SPAG17: variants seen among roughly 807,000 people sequenced by gnomAD.
SPAG17 encodes the protein sperm-associated antigen 17.
SPAG17 carries 169 observed loss-of-function variants against 273.6 expected under a neutral mutation model. The observed-to-expected ratio is 0.62, with a 90% confidence interval of 0.55 to 0.70. SPAG17 has a LOEUF of 0.70. Ranked by LOEUF, SPAG17 falls within the 30% of genes least tolerant of loss-of-function variation. The pLI is 0.00. For synonymous variants in SPAG17, 825 were observed against 873.2 expected, an observed-to-expected ratio of 0.94 and a Z score of 0.97; for missense variants, 2,557 against 2,627.8, an observed-to-expected ratio of 0.97 and a Z score of 0.59.
At chr1:118,101,570 C>A (rs1656063961) in intron 5 of SPAG17, among the ~76,000 whole-genome samples, 170 bp downstream of exon 5, 1 of 152,164 alleles carries the variant, frequency 6.6e-6, no homozygotes, top group Non-Finnish European at 1.5e-5. Flanking sequence ...CCAATCGCAT[C>A]ACAGTTCATG....
chr1:118,062,073 A>G (rs1383952058), intron 18 of SPAG17, among the ~76,000 whole-genome samples: 1 of 152,062 alleles, frequency 6.6e-6, no homozygotes, highest in African/African-American at 2.4e-5. Context: ...GCTAGATATA[A>G]TATTAAAGAA....
intron 3 of SPAG17, among the ~76,000 whole-genome samples, chr1:118,135,775 G>A (rs1168581495): frequency 1.3e-5 from 2 of 152,182 alleles, no homozygotes; most frequent in Admixed American, 6.5e-5. Flanking sequence ...GAAATTTTAA[G>A]ACAATGGGAA....
intron 15 of SPAG17, among the ~76,000 whole-genome samples, chr1:118,078,820 G>A (rs1346923974): frequency 6.6e-6 from 1 of 151,896 alleles, no homozygotes; most frequent in African/African-American, 2.4e-5. Context: ...CTGCTCTATT[G>A]AGATTATATG....
chr1:117,959,123 ATAGTTTTTGT>A, intron 48 of SPAG17: 1 of 1,295,802 alleles, frequency 7.7e-7, no homozygotes, highest in Non-Finnish European at 1.1e-6. Context: ...CATATTTGAG[ATAGTTTTTGT>A]TAGAATTAGT....
At chr1:118,129,744 TTTG>T (rs1319971524) in intron 3 of SPAG17, among the ~76,000 whole-genome samples, 3 of 151,788 alleles carry the variant, frequency 2.0e-5, no homozygotes, top group Non-Finnish European at 4.4e-5. Flanking sequence ...TCTTTCCTTC[TTTG>T]TTTTTTTCTT....
chr1:118,096,745 T>A (rs1428610941), intron 7 of SPAG17, among the ~76,000 whole-genome samples: 2 of 152,212 alleles, frequency 1.3e-5, no homozygotes, highest in Non-Finnish European at 2.9e-5. Flanking sequence ...ACTTAGAGTA[T>A]GTTTCACATA....
chr1:117,984,835 GTTGT>G (rs926176258), intron 40 of SPAG17, 53 bp from the exon 41 acceptor site: 12 of 1,205,378 alleles, frequency 1.0e-5, no homozygotes, highest in African/African-American at 4.5e-5. Flanking sequence ...ATTTTAAAGT[GTTGT>G]TTGTTTGTGC....
chr1:117,991,245 G>A (rs1172231522), intron 37 of SPAG17, among the ~76,000 whole-genome samples, 170 bp downstream of exon 37: 2 of 152,052 alleles, frequency 1.3e-5, no homozygotes, highest in African/African-American at 4.8e-5. Context: ...AAATGTATTT[G>A]GAAAATGCAA....
intron 38 of SPAG17, among the ~76,000 whole-genome samples, chr1:117,989,483 G>T (rs72631711): frequency 0.059 from 9,010 of 152,078 alleles, 505 homozygotes; most frequent in East Asian, 0.31. Context: ...CAAGAGGACA[G>T]AAGGTACCAA....
At chr1:117,995,085 G>C (rs1181895274) in intron 34 of SPAG17, among the ~76,000 whole-genome samples, 1 of 151,932 alleles carries the variant, frequency 6.6e-6, no homozygotes, top group Non-Finnish European at 1.5e-5. Context: ...CAGCTACTTT[G>C]GCCTTTCCCC....
Position 117,954,019 on chromosome 1 carries a change from A to G in SPAG17, c.*31T>C, listed in dbSNP as rs770449109. 5 of 1,611,694 alleles carry G rather than the reference A, an allele frequency of 3.1e-6. No homozygotes were observed. The Admixed American group carries it at 5.0e-5, about 16-fold the overall frequency. On this transcript the variant is annotated 3_prime_UTR_variant, in exon 49 of 49. Transcript: ENST00000336338. The stretch of plus-strand genomic sequence containing the variant: ...TCATCCTCTGTAGGCTGAGAGGATT[A>G]TGGAGGCTATTGAGTTGTACCGAGA...
intron 3 of SPAG17, among the ~76,000 whole-genome samples, chr1:118,123,519 CTG>C (rs984721843): frequency 1.4e-4 from 22 of 152,300 alleles, no homozygotes; most frequent in South Asian, 2.1e-4. Context: ...ATAGATCATA[CTG>C]TCTGTCTAAC....
chr1:118,085,980 T>C lies in SPAG17; in HGVS notation c.1704A>G (p.Pro568=), dbSNP rs376744627. Residue 568 remains proline (P), a synonymous_variant, in exon 13 of 49, where the codon CCA becomes CCG. Transcript: ENST00000336338. ...TAGCTAGACGTTTAGTGTTGTTCCA[T>C]GGTGGGGGTAGAGGGAATTGAAGAA... ...WEFLQFPLPP[P]WNNTKRLATI... is the part of the protein sequence containing the mutation. 8.1e-6 allele frequency: 13 copies of C among 1,613,628 alleles called. No homozygotes were observed. The highest frequency in any genetic ancestry group is 2.2e-5 in the South Asian group (2 of 90,980).
At position 117,994,173 on chromosome 1, in the gene SPAG17, T is replaced by A. The variant is rs1032891595; in HGVS notation, c.5178+233A>T. 4.6e-5 allele frequency among the ~76,000 whole-genome samples: 7 copies of A among 152,142 alleles called. No individual in the cohort carries two copies. In the East Asian group the frequency reaches 1.4e-3, roughly 29 times the overall value. On this transcript the variant is annotated intron_variant, in intron 35 of 48. Coordinates refer to ENST00000336338, the MANE Select transcript of SPAG17 (RefSeq NM_206996.4). ...TATAGGAAGATGTTCAAGCCTGCAATACAGGATAAAAGAAATAAAACTGAA... is the reference window on the plus strand; with the variant it reads ...TATAGGAAGATGTTCAAGCCTGCAAAACAGGATAAAAGAAATAAAACTGAA...
chr1:118,061,662 CA>C (rs1652310039), intron 18 of SPAG17, among the ~76,000 whole-genome samples: 1 of 152,136 alleles, frequency 6.6e-6, no homozygotes, highest in Non-Finnish European at 1.5e-5. Context: ...GACATGAGGA[CA>C]TTTTTTTAAC....
chr1:117,958,407 A>C (rs538414388), intron 48 of SPAG17, among the ~76,000 whole-genome samples: 2 of 152,206 alleles, frequency 1.3e-5, no homozygotes, highest in Non-Finnish European at 2.9e-5. Flanking sequence ...TACGAGTAAC[A>C]CTGTGAATAC....
intron 43 of SPAG17, among the ~76,000 whole-genome samples, chr1:117,978,924 A>G (rs1655439240): frequency 1.3e-5 from 2 of 150,340 alleles, no homozygotes; most frequent in African/African-American, 4.9e-5. Context: ...CTGGAGTGCA[A>G]TGGCGTGATC....
At chr1:118,179,955 G>A (rs1331131489) in intron 1 of SPAG17, among the ~76,000 whole-genome samples, 2 of 151,894 alleles carry the variant, frequency 1.3e-5, no homozygotes, top group Non-Finnish European at 1.5e-5. Context: ...AGTGTTGGCA[G>A]GGATGTGGAG....
intron 1 of SPAG17, among the ~76,000 whole-genome samples, chr1:118,177,153 GA>G (rs2102404499): frequency 6.6e-6 from 1 of 152,206 alleles, no homozygotes; most frequent in African/African-American, 2.4e-5. Context: ...ATATCACTAT[GA>G]AGAAATACTC....
Sources: allele counts gnomAD v4.1 joint callset (sites outside exome capture counted in the v4.1 genomes callset), GRCh38; gene constraint gnomAD v4.1.1; transcripts MANE v1.5; gene names NCBI Gene and HGNC (gene_info 2026-07-23, HGNC 2026-07-21).